Variants in SDK2 observed in about 807,000 individuals in gnomAD.
SDK2 encodes protein sidekick-2.
A neutral mutation model predicts 253.9 loss-of-function variants in SDK2; 105 were observed. The ratio of observed to expected loss-of-function variants is 0.41; its 90% CI spans 0.35 to 0.49. SDK2 has a LOEUF of 0.49. SDK2 is among the 20% of genes least tolerant of loss of function. The pLI, the probability that SDK2 is intolerant of heterozygous loss-of-function variation, is 0.06. For synonymous variants in SDK2, 1,249 were observed against 1,234.9 expected (o/e 1.01, Z -0.24); for missense variants, 2,608 against 3,003.0 (o/e 0.87, Z 3.07).
rs2062365082 is a variant in SDK2, at chr17:73,334,677, T to C, written c.*3910A>G. The C allele has an allele frequency of 1.3e-5, 2 of 152,260 alleles. No individual in the cohort carries two copies. The highest frequency in any genetic ancestry group is 4.1e-4 in the South Asian group (2 of 4,836). The allele number at this position is 152,260 out of a possible 1,614,324, so 9.4% of individuals were successfully genotyped here. On this transcript the variant is annotated 3_prime_UTR_variant, in exon 45 of 45. Transcript: ENST00000392650. ...GAAAGGTAACACGTTTAAATGCTTTTGGTTATTCTGATGGAAACAAAGAGA... is the reference window on the plus strand; with the variant it reads ...GAAAGGTAACACGTTTAAATGCTTTCGGTTATTCTGATGGAAACAAAGAGA...
intron 44 of SDK2, among the ~76,000 whole-genome samples, chr17:73,342,303 G>C (rs1445086539): frequency 6.6e-6 from 1 of 152,146 alleles, no homozygotes; most frequent in African/African-American, 2.4e-5. Context: ...GGCTCGGTCT[G>C]CCCCATGACG....
At chr17:73,429,647 G>A (rs962034923) in intron 12 of SDK2, among the ~76,000 whole-genome samples, 7 of 152,272 alleles carry the variant, frequency 4.6e-5, no homozygotes, top group Admixed American at 1.3e-4. Context: ...TCTAGCCTCG[G>A]TGCCAGTTGC....
chr17:73,592,963 G>A (rs1486950920), intron 1 of SDK2, among the ~76,000 whole-genome samples: 1 of 151,792 alleles, frequency 6.6e-6, no homozygotes, highest in Admixed American at 6.6e-5. Flanking sequence ...GTAGCTCGCC[G>A]GTGTCACAGG....
intron 3 of SDK2, among the ~76,000 whole-genome samples, chr17:73,466,936 G>A (rs1281747537): frequency 6.6e-6 from 1 of 152,152 alleles, no homozygotes; most frequent in Non-Finnish European, 1.5e-5. Flanking sequence ...GCCTCGGTTG[G>A]GGCGAGAATC....
At position 73,397,604 on chromosome 17, in the gene SDK2, G is replaced by A. The variant is rs2062982154; in HGVS notation, c.3354+431C>T. 2.0e-5 allele frequency among the ~76,000 whole-genome samples: 3 copies of A among 152,194 alleles called. No homozygotes were observed. The South Asian group carries it at 6.2e-4, about 31-fold the overall frequency. Reference sequence around the variant, plus strand: ...CTCGTGCAGGATGGCCCACGGTCAGGACCCTCAACACACAGCCCGGATCTG... The same window carrying A: ...CTCGTGCAGGATGGCCCACGGTCAGAACCCTCAACACACAGCCCGGATCTG... On this transcript the variant is annotated intron_variant, in intron 24 of 44. Transcript: ENST00000392650.
At chr17:73,595,067 G>GT (rs2045736304) in intron 1 of SDK2, among the ~76,000 whole-genome samples, 12 of 152,354 alleles carry the variant, frequency 7.9e-5, no homozygotes, top group East Asian at 7.7e-4. Context: ...GCCTGTTTCT[G>GT]TTGTTTCTAC....
intron 5 of SDK2, among the ~76,000 whole-genome samples, chr17:73,442,659 G>A (rs535541049): frequency 6.6e-5 from 10 of 152,170 alleles, no homozygotes; most frequent in South Asian, 6.2e-4. Context: ...CGGTCTTGAC[G>A]ACCACCTCTC....
chr17:73,469,909 AG>A (rs1296368145), intron 3 of SDK2, among the ~76,000 whole-genome samples: 1 of 151,928 alleles, frequency 6.6e-6, no homozygotes, highest in African/African-American at 2.4e-5. Context: ...CTATGAGCCA[AG>A]GGCTTGGAAC....
intron 1 of SDK2, among the ~76,000 whole-genome samples, chr17:73,537,649 G>A (rs113643788): frequency 0.012 from 1,783 of 152,132 alleles, 41 homozygotes; most frequent in African/African-American, 0.041. Flanking sequence ...GGGTGGGGAC[G>A]TGCCCAGCCT....
intron 1 of SDK2, among the ~76,000 whole-genome samples, chr17:73,542,679 G>C (rs932034907): frequency 6.6e-6 from 1 of 152,196 alleles, no homozygotes; most frequent in Non-Finnish European, 1.5e-5. Context: ...GCCACGGAGA[G>C]GCAGTAGTGG....
At chr17:73,502,256 T>G (rs1402514043) in intron 2 of SDK2, among the ~76,000 whole-genome samples, 1 of 152,232 alleles carries the variant, frequency 6.6e-6, no homozygotes, top group African/African-American at 2.4e-5. Flanking sequence ...CTGAGTAAAT[T>G]TAGCCATTTT....
At chr17:73,357,463 C>T (rs2062601012) in intron 40 of SDK2, 1 of 180,718 alleles carries the variant, frequency 5.5e-6, no homozygotes, top group African/African-American at 2.4e-5. Flanking sequence ...CTCTGATTAA[C>T]TTGGAAACCT....
At chr17:73,489,170 G>A (rs1485448426) in intron 2 of SDK2, among the ~76,000 whole-genome samples, 3 of 152,180 alleles carry the variant, frequency 2.0e-5, no homozygotes, top group Admixed American at 6.5e-5. Flanking sequence ...AGGTGAAAAC[G>A]TTACTGCTGC....
intron 5 of SDK2, among the ~76,000 whole-genome samples, chr17:73,445,055 A>G (rs1330717424): frequency 6.6e-6 from 1 of 152,266 alleles, no homozygotes; most frequent in East Asian, 1.9e-4. Flanking sequence ...CAACTTATGC[A>G]TACGACTCTA....
chr17:73,381,370 T>C (rs1490181245), intron 33 of SDK2, among the ~76,000 whole-genome samples: 1 of 151,968 alleles, frequency 6.6e-6, no homozygotes, highest in Admixed American at 6.6e-5. Flanking sequence ...TATGACTGTA[T>C]TATACACAGG....
intron 29 of SDK2, 86 bp downstream of exon 29, chr17:73,390,201 C>T: frequency 1.7e-6 from 2 of 1,183,606 alleles, no homozygotes; most frequent in South Asian, 1.6e-5. Flanking sequence ...CAGCTCATAC[C>T]AGCCATCCAC....
At chr17:73,550,785 G>A (rs985072555) in intron 1 of SDK2, among the ~76,000 whole-genome samples, 1 of 152,202 alleles carries the variant, frequency 6.6e-6, no homozygotes, top group African/African-American at 2.4e-5. Flanking sequence ...CCCAGAGATC[G>A]GTGACACAAG....
At chr17:73,555,864 C>A (rs151051453) in intron 1 of SDK2, among the ~76,000 whole-genome samples, 2,469 of 152,272 alleles carry the variant, frequency 0.016, 26 homozygotes, top group African/African-American at 0.031. Flanking sequence ...GGAGGTTTGG[C>A]GGCTTGAAAC....
chr17:73,634,881 G>C (rs917874771), intron 1 of SDK2, among the ~76,000 whole-genome samples: 7 of 152,264 alleles, frequency 4.6e-5, no homozygotes, highest in African/African-American at 1.7e-4. Context: ...TCGTTTTACA[G>C]ATGAAGAAAC....
Sources: allele counts gnomAD v4.1 joint callset (sites outside exome capture counted in the v4.1 genomes callset), GRCh38; gene constraint gnomAD v4.1.1; transcripts MANE v1.5; gene names NCBI Gene and HGNC (gene_info 2026-07-23, HGNC 2026-07-21).